GALNT14: variants seen among roughly 807,000 people sequenced by gnomAD.
GALNT14 encodes the protein UDP-GalNAc:polypeptide N-acetylgalactosaminyltransferase 14.
In GALNT14, 60 loss-of-function variants were observed where a neutral mutation model predicts 77.5. The observed-to-expected ratio is 0.77, with a 90% CI of 0.63 to 0.96. The LOEUF is 0.96. Ranked by LOEUF, GALNT14 falls within the 40% of genes least tolerant of loss-of-function variation. GALNT14 has a pLI of 0.00. For synonymous variants in GALNT14, 280 were observed against 281.7 expected (o/e 0.99, Z 0.06); for missense variants, 710 against 731.0 (o/e 0.97, Z 0.33).
chr2:31,113,196 G>T lies in GALNT14; in HGVS notation c.129+24762C>A, dbSNP rs564426000. 1.4e-3 allele frequency among the ~76,000 whole-genome samples: 212 copies of T among 152,310 alleles called. 1 individual carries two copies. The highest frequency in any genetic ancestry group is 1.6e-3 in the Admixed American group (24 of 15,298). On this transcript the variant is annotated intron_variant, in intron 1 of 14. Transcript: ENST00000349752. Reference sequence around the variant, plus strand: ...GATGAAGCAATTCTGGATAATGGTGGTTTGAATGTGCCCCTGCTGATAGCT... The same window carrying T: ...GATGAAGCAATTCTGGATAATGGTGTTTTGAATGTGCCCCTGCTGATAGCT...
intron 1 of GALNT14, among the ~76,000 whole-genome samples, chr2:31,023,740 C>T (rs1671874209): frequency 6.6e-6 from 1 of 152,058 alleles, no homozygotes; most frequent in Non-Finnish European, 1.5e-5. Flanking sequence ...CCCTGTGACA[C>T]TTCCCTCCTC....
intron 6 of GALNT14, among the ~76,000 whole-genome samples, chr2:30,946,184 A>G (rs538316143): frequency 1.3e-5 from 2 of 152,234 alleles, no homozygotes; most frequent in East Asian, 3.9e-4. Context: ...GGGGCAATCG[A>G]GAAGAAGGGG....
intron 1 of GALNT14, among the ~76,000 whole-genome samples, chr2:31,042,474 T>A (rs1396345980): frequency 6.6e-6 from 1 of 152,186 alleles, no homozygotes; most frequent in African/African-American, 2.4e-5. Context: ...GTGTGGGGTC[T>A]GCAGTCACCC....
chr2:31,051,749 G>A (rs1673883232), intron 1 of GALNT14, among the ~76,000 whole-genome samples: 1 of 152,120 alleles, frequency 6.6e-6, no homozygotes, highest in Non-Finnish European at 1.5e-5. Flanking sequence ...CTGCCTCTGT[G>A]GGTTCAGGGA....
chr2:31,103,716 C>G (rs1004694858), intron 1 of GALNT14, among the ~76,000 whole-genome samples: 3 of 152,112 alleles, frequency 2.0e-5, no homozygotes, highest in African/African-American at 7.2e-5. Context: ...CCTTTTTCCC[C>G]CTTTGCCTTT....
At chr2:31,069,811 T>C (rs914999111) in intron 1 of GALNT14, among the ~76,000 whole-genome samples, 7 of 152,196 alleles carry the variant, frequency 4.6e-5, no homozygotes, top group Non-Finnish European at 7.3e-5. Context: ...CTGTTGTGTG[T>C]GATAGCTCTT....
At chr2:31,080,416 G>A (rs182463898) in intron 1 of GALNT14, among the ~76,000 whole-genome samples, 74 of 152,220 alleles carry the variant, frequency 4.9e-4, no homozygotes, top group African/African-American at 1.8e-3. Flanking sequence ...ATTTTTATTT[G>A]TTAAATCTAA....
Position 31,095,477 on chromosome 2 carries a change from G to A in GALNT14, c.129+42481C>T, listed in dbSNP as rs757375511. ...TCTCCATTTAATAAGAGCAATCCCT[G>A]TCTTGACTTTCTACTTTTTACTTGC... On this transcript the variant is annotated intron_variant, in intron 1 of 14. Coordinates refer to ENST00000349752, the MANE Select transcript of GALNT14 (RefSeq NM_024572.4). Among the ~76,000 whole-genome samples, 10 of 152,204 alleles carry A rather than the reference G, an allele frequency of 6.6e-5. No individual in the cohort carries two copies. In the East Asian group the frequency reaches 1.2e-3, roughly 18 times the overall value.
chr2:31,130,628 CAA>C (rs1016157097), intron 1 of GALNT14, among the ~76,000 whole-genome samples: 9 of 152,110 alleles, frequency 5.9e-5, no homozygotes, highest in African/African-American at 2.2e-4. Flanking sequence ...CTGCCAAATG[CAA>C]AGACTGTCAC....
At chr2:30,939,662 A>T (rs752016133) in intron 9 of GALNT14, among the ~76,000 whole-genome samples, 1 of 152,290 alleles carries the variant, frequency 6.6e-6, no homozygotes, top group South Asian at 2.1e-4. Flanking sequence ...ATGGAGGACC[A>T]CTGAGGAGAG....
intron 3 of GALNT14, among the ~76,000 whole-genome samples, chr2:30,963,251 C>T (rs1421005317): frequency 6.6e-6 from 1 of 152,202 alleles, no homozygotes; most frequent in East Asian, 1.9e-4. Context: ...AGCCCTCCAA[C>T]AGGCAGGCAG....
chr2:31,092,557 G>A (rs1026795294), intron 1 of GALNT14, among the ~76,000 whole-genome samples: 2 of 152,138 alleles, frequency 1.3e-5, no homozygotes, highest in Non-Finnish European at 2.9e-5. Context: ...CGGGAAGAAT[G>A]GTCAATAATT....
Position 30,963,572 on chromosome 2 carries a change from C to A in GALNT14, c.398+2632G>T, listed in dbSNP as rs983866144. Among the ~76,000 whole-genome samples, 3 of 152,284 alleles carry A rather than the reference C, an allele frequency of 2.0e-5. No individual in the cohort carries two copies. The South Asian group carries it at 6.2e-4, about 32-fold the overall frequency. On this transcript the variant is annotated intron_variant, in intron 3 of 14. Coordinates refer to ENST00000349752, the MANE Select transcript of GALNT14 (RefSeq NM_024572.4). The stretch of plus-strand genomic sequence containing the variant: ...TAGGGAGGCCTGGGGGGCCTAGAAG[C>A]CCCCATATTACATACACTGTAATGC...
At chr2:31,000,923 C>T (rs1301808676) in intron 1 of GALNT14, among the ~76,000 whole-genome samples, 1 of 152,192 alleles carries the variant, frequency 6.6e-6, no homozygotes, top group Non-Finnish European at 1.5e-5. Flanking sequence ...CTAACCCCCA[C>T]AAACTTAAGA....
chr2:31,063,252 G>A (rs1297104635), intron 1 of GALNT14, among the ~76,000 whole-genome samples: 1 of 152,154 alleles, frequency 6.6e-6, no homozygotes, highest in Non-Finnish European at 1.5e-5. Flanking sequence ...TGTAAGGAAG[G>A]GGTCCAGTTT....
At position 30,994,805 on chromosome 2, in the gene GALNT14, G is replaced by A. The variant is rs977740188; in HGVS notation, c.130-1798C>T. Among the ~76,000 whole-genome samples, 20 of 152,108 alleles carry A rather than the reference G, an allele frequency of 1.3e-4. 1 individual carries two copies. Among genetic ancestry groups the A allele is most frequent in the East Asian group, 1.2e-3 (6 of 5,184 alleles). On this transcript the variant is annotated intron_variant, in intron 1 of 14. Transcript: ENST00000349752. ...AAGTTGTGAGCCCTTATGGTGCTCC[G>A]AGCTAGAGAAGAGCGATGTGGAGCT... is the stretch of plus-strand genomic sequence containing the variant.
rs892141108 is a variant in GALNT14 at position 30,976,870 on chromosome 2, T to C, written c.300-10568A>G. Among the ~76,000 whole-genome samples, 5 of 152,122 alleles carry C rather than the reference T, an allele frequency of 3.3e-5. No individual in the cohort carries two copies. The South Asian group carries it at 6.2e-4, about 19-fold the overall frequency. The stretch of plus-strand genomic sequence containing the variant: ...GTCTCAGGTATTCTTCCCAGAGCTT[T>C]CAGCCTGCACAGTAACTCCCCGAGG... On this transcript the variant is annotated intron_variant, in intron 2 of 14. Coordinates refer to ENST00000349752, the MANE Select transcript of GALNT14 (RefSeq NM_024572.4).
chr2:30,935,502 T>G (rs1394501332), intron 9 of GALNT14, among the ~76,000 whole-genome samples: 1 of 151,956 alleles, frequency 6.6e-6, no homozygotes, highest in Non-Finnish European at 1.5e-5. Flanking sequence ...GAGTTAAGAG[T>G]GTCTCTACTC....
intron 8 of GALNT14, among the ~76,000 whole-genome samples, chr2:30,944,458 G>A (rs971537169): frequency 4.6e-5 from 7 of 152,210 alleles, no homozygotes; most frequent in African/African-American, 1.7e-4. Context: ...TCCACTTACA[G>A]CAGTGGCTGA....
Sources: allele counts gnomAD v4.1 joint callset (sites outside exome capture counted in the v4.1 genomes callset), GRCh38; gene constraint gnomAD v4.1.1; transcripts MANE v1.5; gene names NCBI Gene and HGNC (gene_info 2026-07-23, HGNC 2026-07-21).